MBD1: variants seen among roughly 807,000 people sequenced by gnomAD.
The protein encoded by MBD1 is methyl-CpG binding domain protein 1, also known as methyl-CpG-binding domain protein 1.
Under a neutral mutation model 82.6 loss-of-function variants are expected in MBD1, and 25 were observed. The observed-to-expected ratio is 0.30, with a 90% confidence interval of 0.22 to 0.42. The LOEUF (loss-of-function observed/expected upper bound fraction) is 0.42. MBD1 is among the 10% of genes least tolerant of loss of function. MBD1 has a pLI of 1.00. For synonymous variants in MBD1, 301 were observed against 303.7 expected, an observed-to-expected ratio of 0.99 and a Z score of 0.09; for missense variants, 627 against 819.6, an observed-to-expected ratio of 0.76 and a Z score of 2.87.
Position 50,269,354 on chromosome 18 carries a change from CTA to C in MBD1, c.*495_*496del. The stretch of plus-strand genomic sequence containing the variant: ...TTTGTAATGTGTCACCTTGGTGAGG[CTA>C]TGTTTCCCGGAACTCTCTTCCAGTA... On this transcript the variant is annotated 3_prime_UTR_variant, in exon 17 of 17. Coordinates refer to ENST00000269468, the MANE Select transcript of MBD1 (RefSeq NM_015846.4). 1.4e-5 allele frequency: 18 copies of C among 1,325,958 alleles called. No homozygotes were observed. The highest frequency in any genetic ancestry group is 3.1e-5 in the South Asian group (2 of 65,212). 82.1% of individuals were successfully genotyped at this position (1,325,958 alleles called of 1,614,324 possible). A position where few individuals can be genotyped will look rare whatever the true frequency, so the allele number is the denominator to read the frequency against.
chr18:50,275,226 T>C lies in MBD1; in HGVS notation c.812A>G (p.Lys271Arg), dbSNP rs1279163359. ...RCLRGKHARR[K>R]GGCDSKMAAR... The stretch of plus-strand genomic sequence containing the variant: ...AGCCATCTTGGAGTCACAGCCTCCC[T>C]TGCGGCGGGCATGTTTACCCTGGGA... Residue 271 changes from lysine (K) to arginine (R), a missense_variant, in exon 9 of 17, where the codon AAG becomes AGG. Lys to Arg is a conservative substitution (Grantham distance 26). Transcript: ENST00000269468. The C allele has an allele frequency of 1.9e-6, 3 of 1,613,964 alleles. No individual in the cohort carries two copies. The African/African-American group carries it at 4.0e-5, about 22-fold the overall frequency.
At chr18:50,280,838 A>G (rs2039964205) in intron 1 of MBD1, among the ~76,000 whole-genome samples, 1 of 151,514 alleles carries the variant, frequency 6.6e-6, no homozygotes, top group Non-Finnish European at 1.5e-5. Context: ...CTCCCTTATC[A>G]TCCAGAGAGA....
chr18:50,275,671 G>C lies in MBD1; in HGVS notation c.721C>G (p.Pro241Ala), dbSNP rs755582164. 6.2e-7 allele frequency: 1 copy of C among 1,614,200 alleles called. No individual in the cohort carries two copies. Among genetic ancestry groups the C allele is most frequent in the Non-Finnish European group, 8.5e-7 (1 of 1,180,030 alleles). The change falls in exon 8 of 17, where the codon CCC (proline) becomes GCC (alanine). Residue 241 changes from proline to alanine, a missense_variant. Around this residue, in one of 6 missense-constraint regions of MBD1, gnomAD observed 228 missense variants for 318.1 expected, o/e 0.72. Transcript: ENST00000269468. ...GGGCGGGGAGGGCGAAGGCAGATGG[G>C]GCAATGGCCACAATCCTCTTGGGTC... ...CQTQEDCGHC[P>A]ICLRPPRPGL...
intron 10 of MBD1, 31 bp from the exon 11 acceptor site, chr18:50,274,384 A>C: frequency 5.0e-6 from 8 of 1,604,370 alleles, no homozygotes; most frequent in Non-Finnish European, 6.8e-6. Flanking sequence ...GGTGCTGTCA[A>C]CTAGGACTAG....
chr18:50,272,113 C>T (rs1041662197), intron 15 of MBD1, among the ~76,000 whole-genome samples: 2 of 152,176 alleles, frequency 1.3e-5, no homozygotes, highest in African/African-American at 4.8e-5. Flanking sequence ...AGCCCAAGCC[C>T]TTCCACAGAG....
In MBD1 at chr18:50,269,636, T is replaced by C. The variant is rs1263769084; in HGVS notation, c.*215A>G. The C allele has an allele frequency of 2.7e-6, 2 of 734,032 alleles. No homozygotes were observed. Among genetic ancestry groups the C allele is most frequent in the Non-Finnish European group, 5.1e-6 (2 of 392,284 alleles). The allele number at this position is 734,032 out of a possible 1,614,324, so 45.5% of individuals were successfully genotyped here. On this transcript the variant is annotated 3_prime_UTR_variant, in exon 17 of 17. Transcript: ENST00000269468. ...CCTGGGCCAGATGCATATTTAACTC[T>C]GTGAGGAAGGGCACCAGCTTCTTCT...
At position 50,276,967 on chromosome 18, in the gene MBD1, C is replaced by A; in HGVS notation, c.257G>T (p.Arg86Leu). The stretch of plus-strand genomic sequence containing the variant: ...CTTGGCTGGCCTTGAAGGCTTCTTT[C>A]GCTTCTTGCTGGCAACCGCCACGGG... ...AHPVAVASKK[R>L]KKPSRPAKTR... The change falls in exon 4 of 17, where the codon CGA (arginine) becomes CTA (leucine). Residue 86 changes from arginine to leucine, a missense_variant. Physicochemically the swap from Arg to Leu is moderately radical, Grantham distance 102. This residue lies in a region of MBD1 where 75 missense variants were observed against 74.7 expected (regional missense o/e 1.00). Transcript: ENST00000269468. The A allele has an allele frequency of 2.5e-6, 4 of 1,614,204 alleles. No individual in the cohort carries two copies. In the South Asian group the frequency reaches 4.4e-5, roughly 18 times the overall value.
chr18:50,272,654 A>C (rs756417758), intron 15 of MBD1, 23 bp downstream of exon 15: 2 of 1,611,998 alleles, frequency 1.2e-6, no homozygotes, highest in African/African-American at 1.3e-5. Flanking sequence ...CTCCTTCCCC[A>C]CCCCTCACTG....
At chr18:50,276,283 T>A in intron 6 of MBD1, 95 bp downstream of exon 6, 1 of 1,298,916 alleles carries the variant, frequency 7.7e-7, no homozygotes, top group Non-Finnish European at 1.1e-6. Context: ...TGACTCTTCA[T>A]CCTGTGGACC....
intron 5 of MBD1, 50 bp downstream of exon 5, chr18:50,276,612 C>T (rs2038017390): frequency 6.3e-7 from 1 of 1,589,240 alleles, no homozygotes; most frequent in Non-Finnish European, 8.6e-7. Context: ...TGACACTGGA[C>T]CTGCTCCAGC....
intron 13 of MBD1, 122 bp from the exon 14 acceptor site, chr18:50,273,077 T>TC (rs2036292372): frequency 2.2e-6 from 3 of 1,341,852 alleles, no homozygotes; most frequent in Non-Finnish European, 3.1e-6. Context: ...ACACAGAAAG[T>TC]CCATCTCTCT....
At chr18:50,276,181 G>A (rs143926414) in intron 6 of MBD1, 197 bp downstream of exon 6, 3 of 818,248 alleles carry the variant, frequency 3.7e-6, no homozygotes, top group South Asian at 3.0e-5. Context: ...CTTCATCACT[G>A]TGTCTACTGA....
chr18:50,270,292 A>G, intron 16 of MBD1: 1 of 825,150 alleles, frequency 1.2e-6, no homozygotes, highest in Non-Finnish European at 2.1e-6. Flanking sequence ...ACAAAGTTTA[A>G]GGAGGCACTC....
At position 50,273,840 on chromosome 18, in the gene MBD1, C is replaced by G; in HGVS notation, c.1170G>C (p.Trp390Cys). 1 of 1,613,320 alleles carries G rather than the reference C, an allele frequency of 6.2e-7. No homozygotes were observed. The highest frequency in any genetic ancestry group is 8.5e-7 in the Non-Finnish European group (1 of 1,180,004). ...ATCCTGCCCCATCCTCAGACTCTGA[C>G]CAGACACTGGGCAGCAGCCGCTTCT... ...FAMKRLLPSV[W>C]SESEDGAGSP... The change falls in exon 12 of 17, where the codon TGG (tryptophan) becomes TGC (cysteine). Residue 390 changes from tryptophan to cysteine, a missense_variant. Around this residue, in one of 6 missense-constraint regions of MBD1, gnomAD observed 265 missense variants for 278.4 expected, o/e 0.95. Coordinates refer to ENST00000269468, the MANE Select transcript of MBD1 (RefSeq NM_015846.4).
At chr18:50,281,605 C>T (rs898196800), upstream of MBD1, 2 of 469,052 alleles carry the variant, frequency 4.3e-6, no homozygotes, top group East Asian at 6.5e-5. Flanking sequence ...GTCGCGTGCC[C>T]TTAATAGGGA....
chr18:50,272,522 A>G lies in MBD1; in HGVS notation c.1778+155T>C, dbSNP rs1049946077. ...TCTCAGGAGAAATCTCTAGGGTCCT[A>G]CACACACGCCCCTCATTAATTGTGA... On this transcript the variant is annotated intron_variant, in intron 15 of 16. Coordinates refer to ENST00000269468, the MANE Select transcript of MBD1 (RefSeq NM_015846.4). 5 of 830,274 alleles carry G rather than the reference A, an allele frequency of 6.0e-6. No homozygotes were observed. In the African/African-American group the frequency reaches 8.3e-5, roughly 14 times the overall value. 51.4% of individuals were successfully genotyped at this position (830,274 alleles called of 1,614,324 possible).
At chr18:50,270,218 C>G (rs755259599) in intron 16 of MBD1, 2 of 1,490,084 alleles carry the variant, frequency 1.3e-6, no homozygotes, top group Non-Finnish European at 1.8e-6. Flanking sequence ...ATGGCTAATC[C>G]ATGTCTGAAT....
downstream of MBD1, chr18:50,267,366 C>A (rs1336875531): frequency 2.0e-6 from 1 of 509,212 alleles, no homozygotes; most frequent in Non-Finnish European, 3.5e-6. Flanking sequence ...TTTTTAAAAC[C>A]TGTTAATAAA....
intron 15 of MBD1, 86 bp from the exon 16 acceptor site, chr18:50,271,626 G>T: frequency 7.2e-7 from 1 of 1,396,782 alleles, no homozygotes; most frequent in Non-Finnish European, 1.0e-6. Context: ...CTACTATTCT[G>T]TGTCCTCCAT....
Sources: gnomAD v4.1 joint callset for allele counts (sites outside exome capture counted in the v4.1 genomes callset) on GRCh38, gnomAD v4.1.1 for gene constraint, gnomAD v4.1.1 regional missense constraint, MANE v1.5 for transcripts, NCBI Gene and HGNC (gene_info 2026-07-23, HGNC 2026-07-21) for gene names.